The following CDK14 variants were observed in gnomAD, a reference collection of about 807,000 sequenced individuals.
CDK14 encodes cyclin dependent kinase 14.
CDK14 carries 34 observed loss-of-function variants against 60.7 expected under a neutral mutation model. The ratio of observed to expected loss-of-function variants is 0.56; its 90% CI spans 0.43 to 0.75. The LOEUF (loss-of-function observed/expected upper bound fraction) is 0.75, where lower values mean the gene tolerates loss of function less well. Ranked by LOEUF, CDK14 falls within the 30% of genes least tolerant of loss-of-function variation. The probability of loss-of-function intolerance (pLI) is 0.00; values close to 1 mark genes in which losing one functional copy is unlikely to be tolerated. For synonymous variants in CDK14, 197 were observed against 203.7 expected (o/e 0.97, Z 0.28); for missense variants, 482 against 564.1 (o/e 0.85, Z 1.47).
In CDK14 at chr7:91,083,930, G is replaced by A. The variant is rs527643544; in HGVS notation, c.1154+4450G>A. 2.2e-4 allele frequency among the ~76,000 whole-genome samples: 33 copies of A among 152,296 alleles called. No homozygotes were observed. In the South Asian group the frequency reaches 6.4e-3, roughly 30 times the overall value. ...GCATAAATGTGAAAGCATATGAAAC[G>A]GACATAGTCAAAGGCCTGACATGCA... On this transcript the variant is annotated intron_variant, in intron 12 of 14. Coordinates refer to ENST00000380050, the MANE Select transcript of CDK14 (RefSeq NM_001287135.2).
At chr7:91,031,509 A>G (rs705347) in intron 10 of CDK14, among the ~76,000 whole-genome samples, 80,847 of 151,932 alleles carry the variant, frequency 0.53, 22,320 homozygotes, top group East Asian at 0.89. Context: ...AAGGACAACA[A>G]AGTTACCTAA....
chr7:90,648,968 G>C (rs1238878237), intron 2 of CDK14, among the ~76,000 whole-genome samples: 1 of 152,120 alleles, frequency 6.6e-6, no homozygotes, highest in Non-Finnish European at 1.5e-5. Context: ...TGAGGGACTT[G>C]AAACCTAATA....
intron 4 of CDK14, among the ~76,000 whole-genome samples, chr7:90,787,674 A>G (rs527516851): frequency 1.3e-5 from 2 of 152,312 alleles, no homozygotes; most frequent in South Asian, 2.1e-4. Context: ...CATTTCTGGA[A>G]CTTATGGTGT....
chr7:90,640,763 A>G (rs1351146347), intron 2 of CDK14, among the ~76,000 whole-genome samples: 1 of 152,092 alleles, frequency 6.6e-6, no homozygotes, highest in Admixed American at 6.5e-5. Flanking sequence ...AAAACCATTG[A>G]AAGCCTCTGT....
intron 14 of CDK14, among the ~76,000 whole-genome samples, chr7:91,169,086 G>C (rs914479621): frequency 3.0e-4 from 46 of 152,202 alleles, no homozygotes; most frequent in African/African-American, 1.1e-3. Flanking sequence ...TCCATTTAAA[G>C]ACAAGAAGAA....
intron 3 of CDK14, among the ~76,000 whole-genome samples, chr7:90,737,582 C>G (rs1803174397): frequency 6.6e-6 from 1 of 152,164 alleles, no homozygotes; most frequent in South Asian, 2.1e-4. Flanking sequence ...TGGATCCATA[C>G]CTCTGCACAG....
chr7:91,158,078 A>G (rs145684499), intron 14 of CDK14, among the ~76,000 whole-genome samples: 2,757 of 66,586 alleles, frequency 0.041, 64 homozygotes, highest in African/African-American at 0.087. Flanking sequence ...TATATACATT[A>G]ATTATATACA....
intron 14 of CDK14, among the ~76,000 whole-genome samples, chr7:91,163,017 C>T (rs1288876916): frequency 6.6e-6 from 1 of 152,128 alleles, no homozygotes; most frequent in East Asian, 1.9e-4. Flanking sequence ...AGTTACCATC[C>T]CTGTCTTCAA....
At chr7:90,977,121 G>T (rs775889308) in intron 9 of CDK14, among the ~76,000 whole-genome samples, 29 of 152,212 alleles carry the variant, frequency 1.9e-4, no homozygotes, top group African/African-American at 7.0e-4. Context: ...AAGGTGAAGC[G>T]TGGGAATCTA....
chr7:91,079,384 T>C (rs1047236355), intron 11 of CDK14, 48 bp from the exon 12 acceptor site: 2 of 1,273,684 alleles, frequency 1.6e-6, no homozygotes, highest in Admixed American at 1.9e-5. Context: ...ACTTGTAATA[T>C]ATACATTTGA....
intron 11 of CDK14, among the ~76,000 whole-genome samples, chr7:91,056,519 T>C (rs1010696986): frequency 8.5e-5 from 13 of 152,110 alleles, no homozygotes; most frequent in African/African-American, 2.9e-4. Context: ...TAACTCATCA[T>C]TTAACATTAG....
At chr7:90,951,719 A>G (rs1453897719) in intron 8 of CDK14, among the ~76,000 whole-genome samples, 1 of 152,216 alleles carries the variant, frequency 6.6e-6, no homozygotes, top group Non-Finnish European at 1.5e-5. Flanking sequence ...AAAGAAAAGA[A>G]CCTTGGCTGT....
At chr7:90,960,520 T>G (rs914173929) in intron 9 of CDK14, among the ~76,000 whole-genome samples, 1 of 152,198 alleles carries the variant, frequency 6.6e-6, no homozygotes, top group African/African-American at 2.4e-5. Flanking sequence ...TATTTAACAT[T>G]GTAGCAGCTG....
chr7:90,636,433 C>T (rs917092609), intron 2 of CDK14, among the ~76,000 whole-genome samples: 15 of 152,160 alleles, frequency 9.9e-5, no homozygotes, highest in African/African-American at 2.7e-4. Flanking sequence ...TACTGGATTA[C>T]ATTTATTGAT....
At chr7:90,956,517 T>A (rs1408387641) in intron 9 of CDK14, among the ~76,000 whole-genome samples, 1 of 152,166 alleles carries the variant, frequency 6.6e-6, no homozygotes, top group Non-Finnish European at 1.5e-5. Flanking sequence ...CTGTTGAACA[T>A]ATCTTTTATT....
At chr7:90,807,294 A>G (rs991306118) in intron 5 of CDK14, among the ~76,000 whole-genome samples, 7 of 152,202 alleles carry the variant, frequency 4.6e-5, no homozygotes, top group African/African-American at 1.7e-4. Context: ...TCAGGCAGCA[A>G]CATTTGCTGT....
intron 14 of CDK14, among the ~76,000 whole-genome samples, chr7:91,150,893 A>G (rs1800810999): frequency 6.6e-6 from 1 of 152,176 alleles, no homozygotes; most frequent in Non-Finnish European, 1.5e-5. Context: ...AGCCTGAAAG[A>G]TAGATCTGAA....
At chr7:91,033,262 C>T (rs931015973) in intron 10 of CDK14, among the ~76,000 whole-genome samples, 1 of 152,122 alleles carries the variant, frequency 6.6e-6, no homozygotes, top group Non-Finnish European at 1.5e-5. Flanking sequence ...TTGCAGAGTG[C>T]CAAGCCAGTT....
chr7:91,168,819 C>T (rs529256328), intron 14 of CDK14, among the ~76,000 whole-genome samples: 1 of 152,224 alleles, frequency 6.6e-6, no homozygotes, highest in African/African-American at 2.4e-5. Context: ...TTTCAATTCA[C>T]AAATGAGGAC....
Sources: gnomAD v4.1 joint callset for allele counts (sites outside exome capture counted in the v4.1 genomes callset) on GRCh38, gnomAD v4.1.1 for gene constraint, MANE v1.5 for transcripts, NCBI Gene and HGNC (gene_info 2026-07-23, HGNC 2026-07-21) for gene names.